Variants in CCDC138 observed in about 807,000 individuals in gnomAD.
CCDC138 encodes coiled-coil domain-containing protein 138.
CCDC138 carries 66 observed loss-of-function variants against 82.3 expected under a neutral mutation model. The ratio of observed to expected loss-of-function variants is 0.80; its 90% confidence interval spans 0.66 to 0.98. CCDC138 has a LOEUF of 0.98. Among genes scored for constraint, CCDC138 ranks in the 50% least tolerant of loss-of-function variants. The probability of loss-of-function intolerance (pLI) is 0.00; values close to 1 mark genes in which losing one functional copy is unlikely to be tolerated. For missense variants in CCDC138, 816 were observed against 758.9 expected, an observed-to-expected ratio of 1.08 and a Z score of -0.88; for synonymous variants, 297 against 265.4, an observed-to-expected ratio of 1.12 and a Z score of -1.16.
intron 11 of CCDC138, among the ~76,000 whole-genome samples, chr2:108,846,470 A>G (rs534979137): frequency 6.6e-6 from 1 of 151,730 alleles, no homozygotes; most frequent in Non-Finnish European, 1.5e-5. Context: ...CTTGAGCCCA[A>G]GAGTTCGAGA....
intron 10 of CCDC138, among the ~76,000 whole-genome samples, chr2:108,831,198 C>CT (rs909813089): frequency 3.3e-5 from 5 of 151,812 alleles, no homozygotes; most frequent in African/African-American, 1.2e-4. Context: ...GAAAAAAAAT[C>CT]TGACAATGTC....
chr2:108,879,093 G>A (rs964496283), downstream of CCDC138, among the ~76,000 whole-genome samples: 6 of 152,248 alleles, frequency 3.9e-5, no homozygotes, highest in South Asian at 1.2e-3. Context: ...GATCAAAATT[G>A]GCTTAAGAAA....
At chr2:108,830,217 A>G (rs923705895) in intron 10 of CCDC138, among the ~76,000 whole-genome samples, 3 of 152,196 alleles carry the variant, frequency 2.0e-5, no homozygotes, top group African/African-American at 7.2e-5. Context: ...AGTCAAATTT[A>G]TAGAGACAAA....
chr2:108,866,861 C>T (rs550362380), intron 13 of CCDC138, among the ~76,000 whole-genome samples: 3 of 149,778 alleles, frequency 2.0e-5, no homozygotes, highest in African/African-American at 7.4e-5. Flanking sequence ...CCAGCCTGGG[C>T]GACAGAGTAA....
intron 6 of CCDC138, among the ~76,000 whole-genome samples, chr2:108,803,327 C>T (rs1346008818): frequency 6.6e-6 from 1 of 152,216 alleles, no homozygotes; most frequent in East Asian, 1.9e-4. Context: ...GCGGGATTCT[C>T]CCCACACTCT....
intron 14 of CCDC138, among the ~76,000 whole-genome samples, chr2:108,873,901 C>G (rs1695642695): frequency 6.6e-6 from 1 of 151,938 alleles, no homozygotes; most frequent in Admixed American, 6.6e-5. Flanking sequence ...GCTACTTAAG[C>G]TTTGATTATT....
chr2:108,885,168 C>T (rs1696393252), exon 3 of CCDC138: 1 of 152,220 alleles, frequency 6.6e-6, no homozygotes, highest in East Asian at 1.9e-4. Flanking sequence ...TTACCCGCCC[C>T]CAATGCTGGA....
rs140493097 is a variant in CCDC138 at position 108,856,830 on chromosome 2, T to C, written c.1553T>C (p.Leu518Ser). 1.9e-6 allele frequency: 3 copies of C among 1,613,280 alleles called. No individual in the cohort carries two copies. The highest frequency in any genetic ancestry group is 1.7e-5 in the Admixed American group (1 of 59,858). The change falls in exon 13 of 15, where the codon TTG becomes TCG. Residue 518 changes from leucine to serine, a missense_variant. Coordinates refer to ENST00000295124, the MANE Select transcript of CCDC138 (RefSeq NM_144978.3). Reference protein sequence around the residue: ...YLAQAFDSLCLDLKTEEGKTL... With the variant: ...YLAQAFDSLCSDLKTEEGKTL... ...GCTCAGGCATTTGATTCTCTTTGTTTGGACTTGAAGACAGAAGAAGGAAAA... is the reference window on the plus strand; with the variant it reads ...GCTCAGGCATTTGATTCTCTTTGTTCGGACTTGAAGACAGAAGAAGGAAAA...
chr2:108,790,053 A>C (rs376768360), intron 3 of CCDC138, among the ~76,000 whole-genome samples: 2 of 152,188 alleles, frequency 1.3e-5, no homozygotes, highest in African/African-American at 4.8e-5. Context: ...GACTTTTTTT[A>C]ATACAGTTTT....
chr2:108,819,589 A>G (rs1312437656), intron 10 of CCDC138, among the ~76,000 whole-genome samples: 2 of 152,216 alleles, frequency 1.3e-5, no homozygotes, highest in Non-Finnish European at 2.9e-5. Flanking sequence ...TTGCTAGGGA[A>G]ATTAAGACTG....
intron 7 of CCDC138, 117 bp downstream of exon 7, chr2:108,805,125 T>C: frequency 2.2e-6 from 1 of 446,914 alleles, no homozygotes; most frequent in Non-Finnish European, 3.8e-6. Context: ...TGGATTACAT[T>C]TGTTAGCTTT....
chr2:108,853,908 T>C (rs150937671), intron 12 of CCDC138, among the ~76,000 whole-genome samples: 8,153 of 120,288 alleles, frequency 0.068, 331 homozygotes, highest in African/African-American at 0.1. Context: ...TATTATATAT[T>C]ATATAGTATA....
intron 9 of CCDC138, among the ~76,000 whole-genome samples, chr2:108,813,705 G>T (rs1021315377): frequency 2.6e-5 from 4 of 152,046 alleles, no homozygotes; most frequent in Non-Finnish European, 5.9e-5. Flanking sequence ...ATTTCATGTT[G>T]TCTATAACCA....
At chr2:108,875,862 G>GA (rs563236963) in intron 14 of CCDC138, among the ~76,000 whole-genome samples, 58 of 151,854 alleles carry the variant, frequency 3.8e-4, no homozygotes, top group African/African-American at 1.1e-3. Flanking sequence ...TATCTCAAAA[G>GA]AAAAAAAAGT....
chr2:108,873,852 A>G (rs1290383913), intron 14 of CCDC138, among the ~76,000 whole-genome samples: 1 of 152,218 alleles, frequency 6.6e-6, no homozygotes, highest in Non-Finnish European at 1.5e-5. Context: ...CATGGGCTGC[A>G]GGTTGGACAA....
chr2:108,868,914 G>T (rs1574309394), intron 13 of CCDC138, among the ~76,000 whole-genome samples: 1 of 151,742 alleles, frequency 6.6e-6, no homozygotes, highest in African/African-American at 2.4e-5. Flanking sequence ...AGAAAAAAAT[G>T]AAATTTTTTT....
chr2:108,837,317 G>T (rs1006954368), intron 10 of CCDC138, among the ~76,000 whole-genome samples: 19 of 152,000 alleles, frequency 1.3e-4, no homozygotes, highest in African/African-American at 4.1e-4. Context: ...CCTTCATTTT[G>T]TTAAAATGGT....
chr2:108,806,243 A>T (rs1286384181), intron 7 of CCDC138, among the ~76,000 whole-genome samples: 1 of 152,160 alleles, frequency 6.6e-6, no homozygotes, highest in Non-Finnish European at 1.5e-5. Flanking sequence ...GCTCTTTCTC[A>T]TTACAGTCTC....
At chr2:108,788,221 C>T (rs1030012761) in intron 2 of CCDC138, 132 bp downstream of exon 2, 2 of 800,826 alleles carry the variant, frequency 2.5e-6, no homozygotes, top group Admixed American at 6.3e-5. Flanking sequence ...GAGTTCGAGA[C>T]CACTCAGGCC....
Sources: gnomAD v4.1 joint callset for allele counts (sites outside exome capture counted in the v4.1 genomes callset) on GRCh38, gnomAD v4.1.1 for gene constraint, MANE v1.5 for transcripts, NCBI Gene and HGNC (gene_info 2026-07-23, HGNC 2026-07-21) for gene names.